ORC5: variants seen among roughly 807,000 people sequenced by gnomAD.
ORC5 encodes the protein origin recognition complex subunit 5, also known as protein phosphatase 1, regulatory subunit 117.
A neutral mutation model predicts 58.8 loss-of-function variants in ORC5; 39 were observed. That is an observed-to-expected ratio of 0.66 (90% CI 0.51 to 0.87). The LOEUF (loss-of-function observed/expected upper bound fraction) is 0.87. ORC5 is among the 40% of genes least tolerant of loss of function. The pLI, the probability that ORC5 is intolerant of heterozygous loss-of-function variation, is 0.00. For missense variants in ORC5, 493 were observed against 506.3 expected, an observed-to-expected ratio of 0.97 and a Z score of 0.25; for synonymous variants, 218 against 177.6, an observed-to-expected ratio of 1.23 and a Z score of -1.81.
At chr7:104,201,053 T>A (rs1224115962) in intron 2 of ORC5, 95 bp from the exon 3 acceptor site, 3 of 1,059,116 alleles carry the variant, frequency 2.8e-6, no homozygotes, top group Non-Finnish European at 2.8e-6. Context: ...TTTCTAAATC[T>A]ATATCCCACC....
At chr7:104,188,105 C>A in intron 6 of ORC5, 146 bp downstream of exon 6, 1 of 942,404 alleles carries the variant, frequency 1.1e-6, no homozygotes. Flanking sequence ...AGGCCATATG[C>A]AAATTCCCAG....
At chr7:104,182,784 T>C (rs1213753688) in intron 8 of ORC5, among the ~76,000 whole-genome samples, 1 of 152,188 alleles carries the variant, frequency 6.6e-6, no homozygotes, top group Non-Finnish European at 1.5e-5. Flanking sequence ...GATTGTCATA[T>C]TACTATACAT....
rs1800134480 is a variant in ORC5 at position 104,207,882 on chromosome 7, A to G, written c.23T>C (p.Val8Ala). The change falls in exon 1 of 14, where the codon GTG (valine) becomes GCG (alanine). Residue 8 changes from valine (V) to alanine (A), a missense_variant. This residue lies in a region of ORC5 where 412 missense variants were observed against 403.7 expected (regional missense o/e 1.02). Transcript: ENST00000297431. MPHLENV[V>A]LCRESQVSIL... ...GGACACTTGAGACTCGCGACAAAGC[A>G]CCACGTTTTCCAAGTGGGGCATTCT... is the stretch of plus-strand genomic sequence containing the variant. 5 of 1,614,200 alleles carry G rather than the reference A, an allele frequency of 3.1e-6. No individual in the cohort carries two copies. Among genetic ancestry groups the G allele is most frequent in the Non-Finnish European group, 4.2e-6 (5 of 1,180,032 alleles).
intron 12 of ORC5, among the ~76,000 whole-genome samples, chr7:104,155,319 AAC>A (rs1798905806): frequency 6.6e-6 from 1 of 151,680 alleles, no homozygotes; most frequent in Non-Finnish European, 1.5e-5. Context: ...AATTTGCAAA[AAC>A]ACTCTAAATT....
At chr7:104,131,682 T>C (rs1241678091) in intron 13 of ORC5, among the ~76,000 whole-genome samples, 3 of 151,870 alleles carry the variant, frequency 2.0e-5, no homozygotes, top group Non-Finnish European at 2.9e-5. Flanking sequence ...CAAAACCCCA[T>C]CTCTACTAAA....
At chr7:104,137,383 G>A (rs925778669) in intron 12 of ORC5, among the ~76,000 whole-genome samples, 1 of 152,050 alleles carries the variant, frequency 6.6e-6, no homozygotes, top group Admixed American at 6.6e-5. Flanking sequence ...CTCCCAAAGG[G>A]TCGGTGATAC....
chr7:104,158,514 C>G (rs533068489), intron 12 of ORC5, among the ~76,000 whole-genome samples: 5,684 of 149,900 alleles, frequency 0.038, 355 homozygotes, highest in African/African-American at 0.13. Context: ...CACAGCAAAA[C>G]AAACTACCAT....
intron 11 of ORC5, among the ~76,000 whole-genome samples, chr7:104,161,766 G>A (rs80261552): frequency 0.044 from 6,765 of 152,218 alleles, 496 homozygotes; most frequent in African/African-American, 0.15. Flanking sequence ...AGAACTCACA[G>A]TCATCCGGTC....
intron 12 of ORC5, among the ~76,000 whole-genome samples, chr7:104,148,295 A>G (rs1250742353): frequency 6.6e-6 from 1 of 152,230 alleles, no homozygotes; most frequent in Non-Finnish European, 1.5e-5. Context: ...TATTCCTTAT[A>G]CTACCCCAAA....
chr7:104,170,909 T>A (rs1799199624), intron 8 of ORC5, among the ~76,000 whole-genome samples: 1 of 152,206 alleles, frequency 6.6e-6, no homozygotes, highest in Non-Finnish European at 1.5e-5. Context: ...TATTTTTACC[T>A]CTTTTTTTAG....
rs1204465296 is a variant in ORC5, at chr7:104,168,542, G to A, written c.825-17C>T. 3 of 1,432,790 alleles carry A rather than the reference G, an allele frequency of 2.1e-6. No homozygotes were observed. Among genetic ancestry groups the A allele is most frequent in the South Asian group, 1.3e-5 (1 of 75,622 alleles). 88.8% of individuals were successfully genotyped at this position (1,432,790 alleles called of 1,614,324 possible). A position where few individuals can be genotyped will look rare whatever the true frequency, so the allele number is the denominator to read the frequency against. On this transcript the variant is annotated splice_polypyrimidine_tract_variant and intron_variant, in intron 8 of 13. Transcript: ENST00000297431. ...CACTGGGAACTGAAAAAAAATAGAAGAGCAAAAATGAATTAAAAATAAATA... is the reference window on the plus strand; with the variant it reads ...CACTGGGAACTGAAAAAAAATAGAAAAGCAAAAATGAATTAAAAATAAATA...
Position 104,208,005 on chromosome 7 carries a change from A to C in ORC5, c.-101T>G. On this transcript the variant is annotated 5_prime_UTR_variant, in exon 1 of 14. Coordinates refer to ENST00000297431, the MANE Select transcript of ORC5 (RefSeq NM_002553.4). ...CTGGCGGCCCACGCTCCCGCCGGAA[A>C]CCGGACCCGCAGCGTCGTGGGAGGA... 8.7e-7 allele frequency: 1 copy of C among 1,148,058 alleles called. No individual in the cohort carries two copies. Among genetic ancestry groups the C allele is most frequent in the African/African-American group, 1.5e-5 (1 of 64,582 alleles). 71.1% of individuals were successfully genotyped at this position (1,148,058 alleles called of 1,614,324 possible).
At chr7:104,132,514 G>A (rs1273858041) in intron 13 of ORC5, among the ~76,000 whole-genome samples, 2 of 152,060 alleles carry the variant, frequency 1.3e-5, no homozygotes, top group African/African-American at 2.4e-5. Flanking sequence ...CTCCCATCAA[G>A]CCTTGATTTG....
Position 104,199,105 on chromosome 7 carries a change from G to T in ORC5, c.367-1306C>A, listed in dbSNP as rs146381925. 8.3e-4 allele frequency among the ~76,000 whole-genome samples: 126 copies of T among 152,282 alleles called. 1 individual carries two copies. The highest frequency in any genetic ancestry group is 3.0e-3 in the African/African-American group (123 of 41,566). ...AGGCAGAAGTTGGCTGTAGGTGCAGGGCCCTCATGGAGAACCTCTACTAGG... is the reference window on the plus strand; with the variant it reads ...AGGCAGAAGTTGGCTGTAGGTGCAGTGCCCTCATGGAGAACCTCTACTAGG... On this transcript the variant is annotated intron_variant, in intron 3 of 13. Coordinates refer to ENST00000297431, the MANE Select transcript of ORC5 (RefSeq NM_002553.4).
intron 4 of ORC5, among the ~76,000 whole-genome samples, chr7:104,196,979 C>A (rs1799814585): frequency 6.6e-6 from 1 of 152,168 alleles, no homozygotes; most frequent in South Asian, 2.1e-4. Context: ...CCTGTTTCAT[C>A]TGTGATATTA....
chr7:104,193,782 T>C (rs1208991174), intron 5 of ORC5, among the ~76,000 whole-genome samples: 3 of 151,564 alleles, frequency 2.0e-5, no homozygotes, highest in Non-Finnish European at 2.9e-5. Flanking sequence ...GAATTTAACT[T>C]GGCTCCATTA....
intron 8 of ORC5, among the ~76,000 whole-genome samples, chr7:104,176,053 G>C (rs180810105): frequency 1.3e-5 from 2 of 152,186 alleles, no homozygotes; most frequent in Non-Finnish European, 1.5e-5. Context: ...TGCCTACTGG[G>C]ACAAATAAAG....
At chr7:104,159,702 C>T (rs899660024) in intron 12 of ORC5, among the ~76,000 whole-genome samples, 1 of 152,088 alleles carries the variant, frequency 6.6e-6, no homozygotes, top group African/African-American at 2.4e-5. Context: ...AAAGCACTGT[C>T]TGTCTCACTT....
intron 5 of ORC5, among the ~76,000 whole-genome samples, chr7:104,190,996 ATATT>A (rs956540349): frequency 2.0e-5 from 3 of 151,790 alleles, no homozygotes; most frequent in Non-Finnish European, 4.4e-5. Context: ...CTATTAAGGA[ATATT>A]TAAACACAGA....
Sources: allele counts gnomAD v4.1 joint callset (sites outside exome capture counted in the v4.1 genomes callset), GRCh38; gene constraint gnomAD v4.1.1; regional missense constraint gnomAD v4.1.1; transcripts MANE v1.5; gene names NCBI Gene and HGNC (gene_info 2026-07-23, HGNC 2026-07-21).